SLC12A1: variants seen among roughly 807,000 people sequenced by gnomAD.
The protein encoded by SLC12A1 is solute carrier family 12 member 1, also known as Na-K-2Cl cotransporter.
A neutral mutation model predicts 130.4 loss-of-function variants in SLC12A1; 89 were observed. The observed-to-expected ratio is 0.68, with a 90% CI of 0.58 to 0.81. SLC12A1 has a LOEUF of 0.81. SLC12A1 is among the 40% of genes least tolerant of loss of function. The pLI, the probability that SLC12A1 is intolerant of heterozygous loss-of-function variation, is 0.00. For missense variants in SLC12A1, 1,310 were observed against 1,336.4 expected (o/e 0.98, Z 0.31); for synonymous variants, 499 against 460.0 (o/e 1.08, Z -1.09).
chr15:48,296,813 G>T (rs1366170645), intron 24 of SLC12A1, among the ~76,000 whole-genome samples: 3 of 152,088 alleles, frequency 2.0e-5, no homozygotes, highest in Non-Finnish European at 4.4e-5. Flanking sequence ...GCTACGTCAG[G>T]ATCCTCTAGC....
chr15:48,301,502 T>G lies in SLC12A1; in HGVS notation c.3164+120T>G, dbSNP rs539205920. On this transcript the variant is annotated intron_variant, in intron 26 of 26. Coordinates refer to ENST00000380993, the MANE Select transcript of SLC12A1 (RefSeq NM_000338.3). ...TTTTGTTTTGTTTTTGTGTTTTTTT[T>G]GGGGGGGGGAACACGTGGGATTCTT... The G allele has an allele frequency of 2.3e-3, 997 of 439,722 alleles. 17 individuals are homozygous for G. Among genetic ancestry groups the G allele is most frequent in the African/African-American group, 0.014 (511 of 36,532 alleles). 27.2% of individuals were successfully genotyped at this position (439,722 alleles called of 1,614,324 possible). A position where few individuals can be genotyped will look rare whatever the true frequency, so the allele number is the denominator to read the frequency against.
chr15:48,252,953 T>C (rs1242819250), intron 15 of SLC12A1, among the ~76,000 whole-genome samples: 2 of 152,188 alleles, frequency 1.3e-5, no homozygotes, highest in African/African-American at 4.8e-5. Flanking sequence ...AAGATTCTGA[T>C]GTTGTGAGCA....
In SLC12A1 at chr15:48,274,609, G is replaced by T; in HGVS notation, c.2441G>T (p.Arg814Ile). 2 of 1,613,224 alleles carry T rather than the reference G, an allele frequency of 1.2e-6. No homozygotes were observed. The highest frequency in any genetic ancestry group is 1.7e-6 in the Non-Finnish European group (2 of 1,179,522). The change falls in exon 20 of 27, where the codon AGA (arginine) becomes ATA (isoleucine). Residue 814 changes from arginine to isoleucine, a missense_variant. Coordinates refer to ENST00000380993, the MANE Select transcript of SLC12A1 (RefSeq NM_000338.3). Reference sequence around the variant, plus strand: ...TTTGAGATTGGCGTGGTTATAGTCAGAATCAGCCAAGGATTTGACATCTCT... The same window carrying T: ...TTTGAGATTGGCGTGGTTATAGTCATAATCAGCCAAGGATTTGACATCTCT... ...FDFEIGVVIV[R>I]ISQGFDISQV... is the part of the protein sequence containing the mutation.
Position 48,246,986 on chromosome 15 carries a change from C to A in SLC12A1, c.1530C>A (p.Ala510=). ...IFSATLSSAL[A]SLVSAPKVFQ... is the part of the protein sequence containing the mutation. The stretch of plus-strand genomic sequence containing the variant: ...CTGCAACACTCTCCTCCGCCCTGGC[C>A]TCCCTTGTCAGCGCACCCAAAGTGT... The change falls in exon 12 of 27, where the codon GCC becomes GCA. Residue 510 remains alanine, a synonymous_variant. Transcript: ENST00000380993. The A allele has an allele frequency of 6.2e-7, 1 of 1,613,974 alleles. No homozygotes were observed.
At chr15:48,237,309 T>C in intron 9 of SLC12A1, 1 of 273,402 alleles carries the variant, frequency 3.7e-6, no homozygotes, top group Non-Finnish European at 6.8e-6. Flanking sequence ...GTAGTGTATG[T>C]AATCCTTCAT....
At chr15:48,273,228 G>C (rs1232553130) in intron 19 of SLC12A1, among the ~76,000 whole-genome samples, 1 of 152,032 alleles carries the variant, frequency 6.6e-6, no homozygotes, top group Non-Finnish European at 1.5e-5. Context: ...GCCTTTTCCA[G>C]CTTCCAGAAG....
At chr15:48,274,534 C>T (rs980451360) in intron 19 of SLC12A1, 37 bp from the exon 20 acceptor site, 16 of 1,340,306 alleles carry the variant, frequency 1.2e-5, no homozygotes, top group Non-Finnish European at 1.4e-5. Context: ...ATTAAAAGAG[C>T]CATTTAAAAC....
intron 17 of SLC12A1, among the ~76,000 whole-genome samples, chr15:48,266,078 A>G (rs1420771041): frequency 6.6e-6 from 1 of 152,218 alleles, no homozygotes; most frequent in Non-Finnish European, 1.5e-5. Flanking sequence ...TCAAATGTTC[A>G]ATAGCAGCAT....
At chr15:48,239,624 A>T (rs2041479170) in intron 9 of SLC12A1, among the ~76,000 whole-genome samples, 3 of 152,096 alleles carry the variant, frequency 2.0e-5, no homozygotes, top group Non-Finnish European at 4.4e-5. Context: ...AGACAGTTGC[A>T]AATAAAAACT....
chr15:48,275,322 GA>G (rs1444026837), intron 20 of SLC12A1, among the ~76,000 whole-genome samples: 1 of 152,130 alleles, frequency 6.6e-6, no homozygotes, highest in African/African-American at 2.4e-5. Flanking sequence ...ACAACATTAA[GA>G]AAAAACAATG....
intron 4 of SLC12A1, among the ~76,000 whole-genome samples, chr15:48,221,621 T>A (rs1451973580): frequency 6.6e-6 from 1 of 152,232 alleles, no homozygotes; most frequent in Non-Finnish European, 1.5e-5. Flanking sequence ...TTTTGAGTGG[T>A]TGTTTAATGT....
intron 24 of SLC12A1, among the ~76,000 whole-genome samples, chr15:48,294,113 G>A (rs931834348): frequency 6.6e-6 from 1 of 151,812 alleles, no homozygotes; most frequent in Non-Finnish European, 1.5e-5. Context: ...ACTTTGGGAG[G>A]CTGAGGCAGC....
chr15:48,257,970 T>C (rs1192237849), intron 16 of SLC12A1, among the ~76,000 whole-genome samples: 1 of 152,222 alleles, frequency 6.6e-6, no homozygotes, highest in Non-Finnish European at 1.5e-5. Context: ...TGCTTAGAAA[T>C]TTCTTCTGCC....
At chr15:48,281,171 CTG>C (rs1406305585) in intron 20 of SLC12A1, among the ~76,000 whole-genome samples, 1 of 152,196 alleles carries the variant, frequency 6.6e-6, no homozygotes, top group East Asian at 1.9e-4. Context: ...CCCATCCTCT[CTG>C]TGTTTCACTT....
chr15:48,301,678 T>C (rs2042235452), intron 26 of SLC12A1, among the ~76,000 whole-genome samples: 1 of 152,030 alleles, frequency 6.6e-6, no homozygotes, highest in Non-Finnish European at 1.5e-5. Context: ...TCTGAGACCC[T>C]GGATTTCTCT....
intron 24 of SLC12A1, among the ~76,000 whole-genome samples, chr15:48,294,067 G>C (rs1411429276): frequency 6.7e-6 from 1 of 149,004 alleles, no homozygotes; most frequent in Non-Finnish European, 1.5e-5. Flanking sequence ...AAAGAAAAAG[G>C]AGCCAAGCAC....
rs200929258 is a variant in SLC12A1 at position 48,267,667 on chromosome 15, A to G, written c.2261A>G (p.Asp754Gly). The change falls in exon 18 of 27, where the codon GAC (aspartate) becomes GGC (glycine). Residue 754 changes from aspartate to glycine, a missense_variant. By Grantham distance (94) the Asp-to-Gly change is moderately conservative (BLOSUM62 -1). Coordinates refer to ENST00000380993, the MANE Select transcript of SLC12A1 (RefSeq NM_000338.3). ...IKAFYAAVAADCFRDGVRSLL... is the reference protein window; with the variant it reads ...IKAFYAAVAAGCFRDGVRSLL... ...GCTTTTTATGCTGCAGTGGCGGCAGACTGTTTCAGGGATGGTGTCCGAAGT... is the reference window on the plus strand; with the variant it reads ...GCTTTTTATGCTGCAGTGGCGGCAGGCTGTTTCAGGGATGGTGTCCGAAGT... The G allele has an allele frequency of 5.6e-6, 9 of 1,613,518 alleles. No homozygotes were observed. In the African/African-American group the frequency reaches 1.1e-4, roughly 19 times the overall value.
intron 15 of SLC12A1, 32 bp from the exon 16 acceptor site, chr15:48,255,778 GT>G (rs1220113048): frequency 1.5e-6 from 2 of 1,368,526 alleles, no homozygotes; most frequent in Admixed American, 1.9e-5. Context: ...AAAGGTCAGT[GT>G]TTTTTATGCC....
intron 2 of SLC12A1, among the ~76,000 whole-genome samples, chr15:48,220,382 T>C (rs1342372141): frequency 2.0e-5 from 3 of 152,118 alleles, no homozygotes; most frequent in African/African-American, 4.8e-5. Flanking sequence ...AGAAATATTC[T>C]CACTAGTGGA....
Sources: gnomAD v4.1 joint callset for allele counts (sites outside exome capture counted in the v4.1 genomes callset) on GRCh38, gnomAD v4.1.1 for gene constraint, MANE v1.5 for transcripts, NCBI Gene and HGNC (gene_info 2026-07-23, HGNC 2026-07-21) for gene names.